The following ARHGAP21 variants were observed in gnomAD, a reference collection of about 807,000 sequenced individuals.
ARHGAP21 encodes the protein Rho GTPase activating protein 21, also known as rho GTPase-activating protein 21.
ARHGAP21 carries 38 observed loss-of-function variants against 164.6 expected under a neutral mutation model. That is an observed-to-expected ratio of 0.23 (90% CI 0.18 to 0.30). The LOEUF (loss-of-function observed/expected upper bound fraction) is 0.30, where lower values mean the gene tolerates loss of function less well. Ranked by LOEUF, ARHGAP21 falls within the 10% of genes least tolerant of loss-of-function variation. ARHGAP21 has a pLI of 1.00. For missense variants in ARHGAP21, 1,822 were observed against 2,370.7 expected, an observed-to-expected ratio of 0.77 and a Z score of 4.81; for synonymous variants, 766 against 857.9, an observed-to-expected ratio of 0.89 and a Z score of 1.87.
intron 16 of ARHGAP21, 137 bp from the exon 17 acceptor site, chr10:24,597,019 A>T: frequency 4.4e-6 from 4 of 907,466 alleles, no homozygotes; most frequent in Non-Finnish European, 6.2e-6. Context: ...TATTTAACAA[A>T]AATATGTTCT....
At chr10:24,665,030 G>T (rs1271182387) in intron 4 of ARHGAP21, among the ~76,000 whole-genome samples, 1 of 152,114 alleles carries the variant, frequency 6.6e-6, no homozygotes, top group Non-Finnish European at 1.5e-5. Flanking sequence ...AATTCTAGAT[G>T]CTGTGTGTCC....
intron 24 of ARHGAP21, chr10:24,590,701 A>C (rs901154029): frequency 1.0e-6 from 1 of 985,284 alleles, no homozygotes; most frequent in African/African-American, 1.7e-5. Context: ...ATAAATGTCA[A>C]ATAGGCTGGC....
intron 4 of ARHGAP21, among the ~76,000 whole-genome samples, chr10:24,665,837 T>C (rs1272394956): frequency 6.6e-6 from 1 of 152,078 alleles, no homozygotes; most frequent in Non-Finnish European, 1.5e-5. Context: ...AACTGATCAG[T>C]ACTAGTAATA....
At chr10:24,611,238 T>G (rs1348873954) in intron 9 of ARHGAP21, among the ~76,000 whole-genome samples, 1 of 152,126 alleles carries the variant, frequency 6.6e-6, no homozygotes, top group African/African-American at 2.4e-5. Context: ...CCCCTTATAT[T>G]AATAGTATCT....
intron 24 of ARHGAP21, chr10:24,590,213 T>C (rs1460867792): frequency 1.4e-6 from 2 of 1,452,488 alleles, no homozygotes; most frequent in East Asian, 5.0e-5. Context: ...TACCATGCTA[T>C]TTCTCCTCAG....
chr10:24,616,053 C>T lies in ARHGAP21; in HGVS notation c.2422+3420G>A, dbSNP rs572872835. On this transcript the variant is annotated intron_variant, in intron 9 of 25. Coordinates refer to ENST00000396432, the MANE Select transcript of ARHGAP21 (RefSeq NM_020824.4). ...TCAGCCTCCCAAAGTGCTGGGATTA[C>T]GGGCGCAAGCCACTGCACCCGGACT... Among the ~76,000 whole-genome samples the T allele has an allele frequency of 5.9e-5, 9 of 152,224 alleles. 2 individuals carry two copies. In the South Asian group the frequency reaches 1.9e-3, roughly 32 times the overall value.
At chr10:24,682,432 A>G (rs1417164408) in intron 2 of ARHGAP21, among the ~76,000 whole-genome samples, 2 of 152,186 alleles carry the variant, frequency 1.3e-5, no homozygotes, top group African/African-American at 2.4e-5. Flanking sequence ...AATATTGCCT[A>G]TTTTTAAATT....
Position 24,601,982 on chromosome 10 carries a change from C to G in ARHGAP21, c.2843G>C (p.Gly948Ala). Reference sequence around the variant, plus strand: ...GTGGCTTAGAAAACACACTACCTTGCCCTTATCGGTGACAAGGGGTCGGAA... The same window carrying G: ...GTGGCTTAGAAAACACACTACCTTGGCCTTATCGGTGACAAGGGGTCGGAA... ...LHFRPLVTDK[G>A]KRVGGSIRPW... Residue 948 changes from glycine to alanine, a missense_variant, in exon 13 of 26, where the codon GGC (glycine) becomes GCC (alanine). Physicochemically the swap from Gly to Ala is moderately conservative, Grantham distance 60. Around this residue, in one of 5 missense-constraint regions of ARHGAP21, gnomAD observed 1,090 missense variants for 1,378.9 expected, o/e 0.79. Transcript: ENST00000396432. The G allele has an allele frequency of 1.2e-6, 2 of 1,610,816 alleles. No individual in the cohort carries two copies. Among genetic ancestry groups the G allele is most frequent in the Non-Finnish European group, 1.7e-6 (2 of 1,179,354 alleles).
At chr10:24,608,577 G>A (rs2077129505) in intron 9 of ARHGAP21, among the ~76,000 whole-genome samples, 1 of 152,116 alleles carries the variant, frequency 6.6e-6, no homozygotes. Flanking sequence ...ATACTACAAT[G>A]ATAAACCAGG....
intron 21 of ARHGAP21, among the ~76,000 whole-genome samples, chr10:24,594,554 A>G (rs1469271616): frequency 6.6e-6 from 1 of 152,190 alleles, no homozygotes; most frequent in Non-Finnish European, 1.5e-5. Context: ...TGTGTTTGAC[A>G]AAGAAAATGT....
chr10:24,595,327 G>C, intron 19 of ARHGAP21, 137 bp from the exon 20 acceptor site: 2 of 801,572 alleles, frequency 2.5e-6, no homozygotes, highest in African/African-American at 1.7e-5. Context: ...TTTCTAAAAT[G>C]TAAGTTCCCT....
chr10:24,604,247 G>A (rs1056201244), intron 12 of ARHGAP21, 65 bp downstream of exon 12: 14 of 1,087,932 alleles, frequency 1.3e-5, no homozygotes, highest in Admixed American at 2.5e-5. Flanking sequence ...AATGTCTACT[G>A]GGTAAAAGAA....
intron 4 of ARHGAP21, among the ~76,000 whole-genome samples, chr10:24,635,595 G>A (rs750299209): frequency 6.6e-6 from 1 of 152,136 alleles, no homozygotes; most frequent in Non-Finnish European, 1.5e-5. Flanking sequence ...CACCCAGGCT[G>A]GAGTGCAGTG....
chr10:24,610,091 G>C (rs1338105868), intron 9 of ARHGAP21, among the ~76,000 whole-genome samples: 1 of 152,152 alleles, frequency 6.6e-6, no homozygotes, highest in East Asian at 1.9e-4. Flanking sequence ...AAGAAACGAG[G>C]TCTTGGACAG....
At chr10:24,644,661 C>T (rs1241256628) in intron 4 of ARHGAP21, among the ~76,000 whole-genome samples, 2 of 152,190 alleles carry the variant, frequency 1.3e-5, no homozygotes, top group East Asian at 1.9e-4. Flanking sequence ...CCTTGCCCCA[C>T]TTAAAATTAT....
intron 2 of ARHGAP21, among the ~76,000 whole-genome samples, chr10:24,677,523 G>T (rs1470518462): frequency 1.3e-5 from 2 of 152,142 alleles, no homozygotes; most frequent in African/African-American, 2.4e-5. Flanking sequence ...ATCTATGGAG[G>T]CTATGTATAT....
chr10:24,705,716 G>A (rs1035157777), intron 2 of ARHGAP21, among the ~76,000 whole-genome samples: 5 of 152,112 alleles, frequency 3.3e-5, no homozygotes, highest in Non-Finnish European at 7.4e-5. Context: ...CTTGTTTTTA[G>A]TAAGGAAGAC....
chr10:24,618,063 G>A (rs781123778), intron 9 of ARHGAP21, among the ~76,000 whole-genome samples: 3 of 152,076 alleles, frequency 2.0e-5, no homozygotes, highest in Non-Finnish European at 4.4e-5. Flanking sequence ...CTTACTATGC[G>A]ATTTTAGAGA....
chr10:24,697,799 G>A (rs964480290), intron 2 of ARHGAP21, among the ~76,000 whole-genome samples: 3 of 152,062 alleles, frequency 2.0e-5, no homozygotes, highest in African/African-American at 7.3e-5. Flanking sequence ...GGCAGAGGTT[G>A]CAGTGAGCGC....
Sources: allele counts gnomAD v4.1 joint callset (sites outside exome capture counted in the v4.1 genomes callset), GRCh38; gene constraint gnomAD v4.1.1; regional missense constraint gnomAD v4.1.1; transcripts MANE v1.5; gene names NCBI Gene and HGNC (gene_info 2026-07-23, HGNC 2026-07-21).